ATP6V1A: variants seen among roughly 807,000 people sequenced by gnomAD.
The protein encoded by ATP6V1A is V-type proton ATPase catalytic subunit A.
Under a neutral mutation model 70.1 loss-of-function variants are expected in ATP6V1A, and 18 were observed. The observed-to-expected ratio is 0.26, with a 90% confidence interval of 0.18 to 0.38. The LOEUF (loss-of-function observed/expected upper bound fraction) is 0.38, where lower values mean the gene tolerates loss of function less well. Among genes scored for constraint, ATP6V1A ranks in the 10% least tolerant of loss-of-function variants. The probability of loss-of-function intolerance (pLI) is 1.00; values close to 1 mark genes in which losing one functional copy is unlikely to be tolerated. For synonymous variants in ATP6V1A, 232 were observed against 253.8 expected (o/e 0.91, Z 0.82); for missense variants, 424 against 772.4 (o/e 0.55, Z 5.35).
At chr3:113,765,875 C>T (rs1209929227) in intron 1 of ATP6V1A, among the ~76,000 whole-genome samples, 4 of 149,896 alleles carry the variant, frequency 2.7e-5, no homozygotes, top group East Asian at 2.0e-4. Flanking sequence ...TGCAGTGAGC[C>T]GAGATCGCAC....
intron 8 of ATP6V1A, among the ~76,000 whole-genome samples, chr3:113,792,450 A>T (rs1709106708): frequency 6.6e-6 from 1 of 151,746 alleles, no homozygotes; most frequent in African/African-American, 2.4e-5. Context: ...GGATCCTCTC[A>T]TCTCAGCCTC....
chr3:113,808,084 C>T (rs1230713834), intron 14 of ATP6V1A, among the ~76,000 whole-genome samples: 2 of 147,808 alleles, frequency 1.4e-5, no homozygotes, highest in African/African-American at 5.0e-5. Flanking sequence ...GAGCTGAGAT[C>T]ACACCATTGC....
At chr3:113,759,866 A>G (rs1289815313) in intron 1 of ATP6V1A, among the ~76,000 whole-genome samples, 1 of 152,176 alleles carries the variant, frequency 6.6e-6, no homozygotes, top group Non-Finnish European at 1.5e-5. Flanking sequence ...GTGCCAAGGC[A>G]TTTTACTGGA....
intron 1 of ATP6V1A, among the ~76,000 whole-genome samples, chr3:113,750,110 T>C (rs1237297532): frequency 1.3e-5 from 2 of 152,224 alleles, no homozygotes; most frequent in Non-Finnish European, 2.9e-5. Context: ...TTTAGTTATA[T>C]GTCCTTTTAC....
At chr3:113,788,398 G>A (rs1709058733) in intron 6 of ATP6V1A, among the ~76,000 whole-genome samples, 2 of 151,472 alleles carry the variant, frequency 1.3e-5, no homozygotes, top group Non-Finnish European at 2.9e-5. Flanking sequence ...GCAAAGGCGC[G>A]ATCTCGGCTC....
chr3:113,781,200 C>T (rs761971657), intron 3 of ATP6V1A, 22 bp downstream of exon 3: 3 of 1,592,288 alleles, frequency 1.9e-6, no homozygotes, highest in Non-Finnish European at 2.6e-6. Context: ...GGCTCAATTT[C>T]CTGCCACTTT....
intron 3 of ATP6V1A, 84 bp from the exon 4 acceptor site, chr3:113,784,140 G>T (rs898385553): frequency 7.7e-7 from 1 of 1,300,700 alleles, no homozygotes; most frequent in Non-Finnish European, 1.1e-6. Flanking sequence ...TTCTTGAGTG[G>T]CATTTCCTTG....
rs780320929 is a variant in ATP6V1A at position 113,784,824 on chromosome 3, T to C, written c.555T>C (p.Tyr185=). Residue 185 remains tyrosine (Y), a synonymous_variant, in exon 5 of 15, where the codon TAT becomes TAC. Coordinates refer to ENST00000273398, the MANE Select transcript of ATP6V1A (RefSeq NM_001690.4). The part of the protein sequence containing the change: ...TVTYIAPPGN[Y]DTSDVVLELE... ...CTTACATTGCTCCACCTGGGAATTA[T>C]GATACCTCTGTAAGTATCATTTGAA... 2 of 1,613,972 alleles carry C rather than the reference T, an allele frequency of 1.2e-6. No individual in the cohort carries two copies. The highest frequency in any genetic ancestry group is 1.1e-5 in the South Asian group (1 of 91,086).
intron 1 of ATP6V1A, among the ~76,000 whole-genome samples, chr3:113,772,501 GC>G (rs1708853733): frequency 6.6e-6 from 1 of 152,204 alleles, no homozygotes; most frequent in Non-Finnish European, 1.5e-5. Flanking sequence ...GCCAAGGCAG[GC>G]GGATCATGAG....
chr3:113,804,714 A>G (rs1709255649), intron 13 of ATP6V1A, among the ~76,000 whole-genome samples: 1 of 152,246 alleles, frequency 6.6e-6, no homozygotes, highest in Non-Finnish European at 1.5e-5. Context: ...AACAAGGGAA[A>G]AATTCTTTGG....
At chr3:113,782,152 A>G (rs766687596) in intron 3 of ATP6V1A, among the ~76,000 whole-genome samples, 3 of 152,226 alleles carry the variant, frequency 2.0e-5, no homozygotes, top group Admixed American at 6.5e-5. Context: ...ATTCTAAAAC[A>G]CATGCGTGCA....
chr3:113,752,427 G>A (rs1708597551), intron 1 of ATP6V1A, among the ~76,000 whole-genome samples: 1 of 151,792 alleles, frequency 6.6e-6, no homozygotes, highest in Non-Finnish European at 1.5e-5. Flanking sequence ...CTAGATTGAT[G>A]CATTAAAGAA....
chr3:113,777,290 C>T (rs1052761309), intron 1 of ATP6V1A, among the ~76,000 whole-genome samples: 1 of 152,040 alleles, frequency 6.6e-6, no homozygotes, highest in Non-Finnish European at 1.5e-5. Context: ...AGGAAAAACA[C>T]TCATAGTTAA....
At chr3:113,747,995 A>G (rs949888590) in intron 1 of ATP6V1A, among the ~76,000 whole-genome samples, 3 of 152,206 alleles carry the variant, frequency 2.0e-5, no homozygotes, top group African/African-American at 7.2e-5. Flanking sequence ...TGCTGTCTGC[A>G]CATGTTTTCT....
intron 12 of ATP6V1A, chr3:113,803,249 C>G (rs900613550): frequency 5.3e-6 from 1 of 186,988 alleles, no homozygotes; most frequent in Non-Finnish European, 1.1e-5. Context: ...ATAGTGGTTA[C>G]CAGGGGCTGG....
chr3:113,792,045 A>C (rs1709097875), intron 8 of ATP6V1A, among the ~76,000 whole-genome samples: 1 of 152,154 alleles, frequency 6.6e-6, no homozygotes, highest in South Asian at 2.1e-4. Context: ...TATGTCTCCT[A>C]GTTTTTAATG....
rs1709014845 is a variant in ATP6V1A at position 113,784,377 on chromosome 3, T to A, written c.365T>A (p.Val122Glu). The change falls in exon 4 of 15, where the codon GTA becomes GAA. Residue 122 changes from valine to glutamate, a missense_variant. By Grantham distance (121) the Val-to-Glu change is moderately radical (BLOSUM62 -2). Transcript: ENST00000273398. Reference protein sequence around the residue: ...QTQSIYIPRGVNVSALSRDIK... With the variant: ...QTQSIYIPRGENVSALSRDIK... ...CAAAGCATCTACATCCCCAGAGGAG[T>A]AAACGTGTCTGCTCTTAGCAGAGAT... is the stretch of plus-strand genomic sequence containing the variant. 1 of 1,613,942 alleles carries A rather than the reference T, an allele frequency of 6.2e-7. No individual in the cohort carries two copies. The highest frequency in any genetic ancestry group is 1.7e-5 in the Admixed American group (1 of 59,986).
intron 1 of ATP6V1A, among the ~76,000 whole-genome samples, chr3:113,766,376 G>A (rs528243086): frequency 6.6e-6 from 1 of 152,058 alleles, no homozygotes; most frequent in Non-Finnish European, 1.5e-5. Flanking sequence ...GCTCAGTGCA[G>A]CCTCAACCTC....
chr3:113,782,769 C>G (rs148586762), intron 3 of ATP6V1A, among the ~76,000 whole-genome samples: 2 of 151,488 alleles, frequency 1.3e-5, no homozygotes, highest in Admixed American at 1.3e-4. Flanking sequence ...ATTACAGGCA[C>G]GTGCCAGCAT....
Sources: allele counts gnomAD v4.1 joint callset (sites outside exome capture counted in the v4.1 genomes callset), GRCh38; gene constraint gnomAD v4.1.1; transcripts MANE v1.5; gene names NCBI Gene and HGNC (gene_info 2026-07-23, HGNC 2026-07-21).